Variants in PTPRQ observed in about 807,000 individuals in gnomAD.
PTPRQ encodes phosphatidylinositol phosphatase PTPRQ.
In PTPRQ, 199 loss-of-function variants were observed where a neutral mutation model predicts 246.0. The ratio of observed to expected loss-of-function variants is 0.81; its 90% CI spans 0.72 to 0.91. The LOEUF (loss-of-function observed/expected upper bound fraction) is 0.91. Ranked by LOEUF, PTPRQ falls within the 40% of genes least tolerant of loss-of-function variation. The probability of loss-of-function intolerance (pLI) is 0.00; values close to 1 mark genes in which losing one functional copy is unlikely to be tolerated. For missense variants in PTPRQ, 2,624 were observed against 2,528.4 expected (o/e 1.04, Z -0.81); for synonymous variants, 869 against 853.2 (o/e 1.02, Z -0.32).
intron 8 of PTPRQ, among the ~76,000 whole-genome samples, chr12:80,477,747 C>T (rs1486317291): frequency 6.6e-6 from 1 of 152,150 alleles, no homozygotes. Flanking sequence ...TCCCTTTCCC[C>T]TTGTCAAAGA....
rs141645917 is a variant in PTPRQ at position 80,615,813 on chromosome 12, G to C, written c.5164-387G>C. 4.6e-5 allele frequency among the ~76,000 whole-genome samples: 7 copies of C among 151,100 alleles called. 2 individuals carry two copies. The highest frequency in any genetic ancestry group is 1.7e-4 in the African/African-American group (7 of 41,418). ...ACAGATGTTAGAGTAGATGAAGGGAGAGCGTAGATACAGTGGCTGTAGTGC... is the reference window on the plus strand; with the variant it reads ...ACAGATGTTAGAGTAGATGAAGGGACAGCGTAGATACAGTGGCTGTAGTGC... On this transcript the variant is annotated intron_variant, in intron 29 of 44. Coordinates refer to ENST00000644991, the MANE Select transcript of PTPRQ (RefSeq NM_001145026.2).
chr12:80,605,483 ATATG>A (rs1199847769), intron 27 of PTPRQ, among the ~76,000 whole-genome samples: 1 of 151,272 alleles, frequency 6.6e-6, no homozygotes, highest in Non-Finnish European at 1.5e-5. Flanking sequence ...ATGTGTATAT[ATATG>A]TATGTATATA....
At chr12:80,493,246 T>A in intron 9 of PTPRQ, 29 bp from the exon 10 acceptor site, 1 of 1,402,388 alleles carries the variant, frequency 7.1e-7, no homozygotes, top group Non-Finnish European at 9.3e-7. Context: ...ACTGTCACAG[T>A]CTTTTAAAAT....
intron 41 of PTPRQ, among the ~76,000 whole-genome samples, chr12:80,669,948 C>G (rs533866630): frequency 6.6e-6 from 1 of 152,088 alleles, no homozygotes; most frequent in East Asian, 1.9e-4. Flanking sequence ...CCTATACACA[C>G]AGAAGATGAT....
intron 33 of PTPRQ, 102 bp from the exon 34 acceptor site, chr12:80,632,090 A>G: frequency 7.1e-7 from 1 of 1,411,580 alleles, no homozygotes; most frequent in Non-Finnish European, 9.5e-7. Context: ...ATTCTTCAGC[A>G]AAGAATATTT....
chr12:80,659,598 C>G (rs960805109), intron 39 of PTPRQ, among the ~76,000 whole-genome samples: 4 of 151,952 alleles, frequency 2.6e-5, no homozygotes, highest in African/African-American at 9.7e-5. Flanking sequence ...GTAGGTGTAG[C>G]TGAACCACAC....
At chr12:80,519,542 G>A (rs1333257446) in intron 17 of PTPRQ, among the ~76,000 whole-genome samples, 2 of 152,132 alleles carry the variant, frequency 1.3e-5, no homozygotes, top group East Asian at 1.9e-4. Context: ...CTTTGAAGGA[G>A]GAGGGATCGG....
intron 37 of PTPRQ, 69 bp from the exon 38 acceptor site, chr12:80,652,675 T>C: frequency 7.2e-7 from 1 of 1,398,602 alleles, no homozygotes; most frequent in African/African-American, 1.5e-5. Context: ...CAAATAACTG[T>C]CTTTTAATAA....
intron 33 of PTPRQ, among the ~76,000 whole-genome samples, chr12:80,628,184 C>T (rs1376168511): frequency 1.3e-5 from 2 of 151,854 alleles, no homozygotes; most frequent in South Asian, 2.1e-4. Flanking sequence ...TAAATCAAAC[C>T]GTTCGTATTT....
intron 3 of PTPRQ, among the ~76,000 whole-genome samples, 167 bp from the exon 4 acceptor site, chr12:80,457,404 CTTTA>C (rs1893013950): frequency 6.6e-6 from 1 of 152,044 alleles, no homozygotes; most frequent in Non-Finnish European, 1.5e-5. Context: ...GACAATAATA[CTTTA>C]TTTGTTGATT....
At chr12:80,604,876 AC>A (rs1424353904) in intron 26 of PTPRQ, among the ~76,000 whole-genome samples, 182 bp from the exon 27 acceptor site, 2 of 151,634 alleles carry the variant, frequency 1.3e-5, no homozygotes, top group Admixed American at 1.3e-4. Context: ...ATCTAGAGTA[AC>A]TAATTTTAAA....
In PTPRQ at chr12:80,539,875, A is replaced by G. The variant is rs867015994; in HGVS notation, c.3085A>G (p.Thr1029Ala). The change falls in exon 20 of 45, where the codon ACA becomes GCA. Residue 1029 changes from threonine to alanine, a missense_variant. Thr to Ala is a moderately conservative substitution (Grantham distance 58). Transcript: ENST00000644991. ...ATTCAGCTACTATACATTTTGGTTAACAGCAAGTACTTCAGTTGGAAATGG... is the reference window on the plus strand; with the variant it reads ...ATTCAGCTACTATACATTTTGGTTAGCAGCAAGTACTTCAGTTGGAAATGG... ...TIFSYYTFWL[T>A]ASTSVGNGNK... 3 of 1,549,346 alleles carry G rather than the reference A, an allele frequency of 1.9e-6. No individual in the cohort carries two copies. In the African/African-American group the frequency reaches 4.1e-5, roughly 21 times the overall value.
chr12:80,655,633 C>T (rs1417629154), intron 38 of PTPRQ, among the ~76,000 whole-genome samples: 1 of 151,940 alleles, frequency 6.6e-6, no homozygotes, highest in African/African-American at 2.4e-5. Context: ...CACACTCTCA[C>T]ACACATGTAC....
At chr12:80,668,659 T>G (rs1324349785) in intron 39 of PTPRQ, among the ~76,000 whole-genome samples, 2 of 151,900 alleles carry the variant, frequency 1.3e-5, no homozygotes, top group African/African-American at 4.8e-5. Flanking sequence ...TAATTCACAA[T>G]GATTTTATAA....
chr12:80,517,046 C>T (rs73347792), intron 17 of PTPRQ, among the ~76,000 whole-genome samples: 3 of 152,008 alleles, frequency 2.0e-5, no homozygotes, highest in African/African-American at 7.3e-5. Context: ...ATGTTCTGAC[C>T]AATGTTCTCT....
intron 3 of PTPRQ, among the ~76,000 whole-genome samples, chr12:80,450,190 G>T (rs1156250342): frequency 6.6e-6 from 1 of 151,982 alleles, no homozygotes; most frequent in Non-Finnish European, 1.5e-5. Context: ...TCTGTTATTG[G>T]TGTATAAGAA....
At chr12:80,657,795 A>T (rs55725742) in intron 38 of PTPRQ, among the ~76,000 whole-genome samples, 190 bp from the exon 39 acceptor site, 2 of 151,918 alleles carry the variant, frequency 1.3e-5, no homozygotes, top group Non-Finnish European at 2.9e-5. Context: ...GGAAATATAT[A>T]CAAGGACATA....
At position 80,495,033 on chromosome 12, in the gene PTPRQ, T is replaced by C. The variant is rs1053672803; in HGVS notation, c.1641T>C (p.Ser547=). The change falls in exon 11 of 45, where the codon TCT becomes TCC. Residue 547 remains serine, a synonymous_variant. Coordinates refer to ENST00000644991, the MANE Select transcript of PTPRQ (RefSeq NM_001145026.2). ...VPFTEHMISV[S]AFTIMGEGPP... is the part of the protein sequence containing the mutation. Reference sequence around the variant, plus strand: ...TCACTGAGCACATGATTAGTGTATCTGCTTTCACCATCATGGGAGAAGGAC... The same window carrying C: ...TCACTGAGCACATGATTAGTGTATCCGCTTTCACCATCATGGGAGAAGGAC... 1.9e-6 allele frequency: 3 copies of C among 1,550,482 alleles called. No individual in the cohort carries two copies. The African/African-American group carries it at 4.1e-5, about 21-fold the overall frequency.
At chr12:80,618,824 G>C (rs1469060294) in intron 30 of PTPRQ, among the ~76,000 whole-genome samples, 2 of 150,732 alleles carry the variant, frequency 1.3e-5, no homozygotes, top group Non-Finnish European at 3.0e-5. Context: ...CAATATGAGG[G>C]GTAATTATAA....
Sources: gnomAD v4.1 joint callset for allele counts (sites outside exome capture counted in the v4.1 genomes callset) on GRCh38, gnomAD v4.1.1 for gene constraint, MANE v1.5 for transcripts, NCBI Gene and HGNC (gene_info 2026-07-23, HGNC 2026-07-21) for gene names.